Variants in POU6F2 observed in about 807,000 individuals in gnomAD.
POU6F2 encodes the protein POU class 6 homeobox 2.
In POU6F2, 31 loss-of-function variants were observed where a neutral mutation model predicts 71.3. That is an observed-to-expected ratio of 0.43 (90% CI 0.33 to 0.59). POU6F2 has a LOEUF of 0.59. Ranked by LOEUF, POU6F2 falls within the 20% of genes least tolerant of loss-of-function variation. The pLI, the probability that POU6F2 is intolerant of heterozygous loss-of-function variation, is 0.04. For synonymous variants in POU6F2, 347 were observed against 355.7 expected (o/e 0.98, Z 0.27); for missense variants, 783 against 856.8 (o/e 0.91, Z 1.07).
At chr7:39,397,740 G>A (rs1014272098) in intron 5 of POU6F2, among the ~76,000 whole-genome samples, 18 of 148,524 alleles carry the variant, frequency 1.2e-4, no homozygotes, top group African/African-American at 4.0e-4. Context: ...TGATCCACCC[G>A]CCTGATCCAC....
chr7:39,122,981 C>T (rs776231622), intron 2 of POU6F2, among the ~76,000 whole-genome samples: 52 of 152,284 alleles, frequency 3.4e-4, no homozygotes, highest in African/African-American at 1.1e-3. Flanking sequence ...TGAGCCACCG[C>T]ACCCGGTGAT....
rs947187293 is a variant in POU6F2 at position 39,460,774 on chromosome 7, G to A, written c.1658+59G>A. 1.6e-5 allele frequency: 24 copies of A among 1,457,450 alleles called. No individual in the cohort carries two copies. The highest frequency in any genetic ancestry group is 4.3e-5 in the African/African-American group (3 of 70,292). 90.3% of individuals were successfully genotyped at this position (1,457,450 alleles called of 1,614,324 possible). On this transcript the variant is annotated intron_variant, in intron 9 of 9. Coordinates refer to ENST00000518318, the MANE Select transcript of POU6F2 (RefSeq NM_001370959.1). The surrounding 1 kb of genome is among the most constrained non-coding windows in gnomAD (Gnocchi z 4.4). ...GCCGCCCTGGGCCTCATTTGTCCTC[G>A]CGGTTCAGCTTTTCTTCGTCGGGTG...
intron 4 of POU6F2, among the ~76,000 whole-genome samples, chr7:39,306,517 TATTAC>T (rs1160006119): frequency 2.0e-5 from 3 of 152,196 alleles, no homozygotes; most frequent in Non-Finnish European, 4.4e-5. Flanking sequence ...ATCCTACCAC[TATTAC>T]ATCACTAACA....
chr7:39,297,369 A>C (rs959358647), intron 4 of POU6F2, among the ~76,000 whole-genome samples: 8 of 152,206 alleles, frequency 5.3e-5, no homozygotes, highest in Non-Finnish European at 1.0e-4. Context: ...CTATAAGACA[A>C]AAATCACTTG....
chr7:39,293,898 C>G (rs1274160140), intron 4 of POU6F2, among the ~76,000 whole-genome samples: 1 of 152,124 alleles, frequency 6.6e-6, no homozygotes, highest in African/African-American at 2.4e-5. Flanking sequence ...ACCATCCTGG[C>G]CTGAGTGATC....
At chr7:39,438,571 G>A (rs1788307961) in intron 7 of POU6F2, among the ~76,000 whole-genome samples, 1 of 152,226 alleles carries the variant, frequency 6.6e-6, no homozygotes, top group Non-Finnish European at 1.5e-5. Flanking sequence ...GTGCTGGAGA[G>A]GATGTGGAGA....
chr7:39,162,210 G>C (rs1268250966), intron 2 of POU6F2, among the ~76,000 whole-genome samples: 1 of 152,170 alleles, frequency 6.6e-6, no homozygotes, highest in Non-Finnish European at 1.5e-5. Flanking sequence ...CCATGTGATA[G>C]AAAAAGAGCT....
chr7:39,300,067 C>T (rs961747486), intron 4 of POU6F2, among the ~76,000 whole-genome samples: 8 of 152,308 alleles, frequency 5.3e-5, no homozygotes, highest in Non-Finnish European at 8.8e-5. Context: ...GCCAAGCCCA[C>T]GAGGACCCAC....
intron 1 of POU6F2, among the ~76,000 whole-genome samples, chr7:38,983,993 A>G (rs895439586): frequency 1.3e-5 from 2 of 152,120 alleles, no homozygotes; most frequent in Non-Finnish European, 2.9e-5. Context: ...CAAAAGACAG[A>G]CATTAGCTGT....
intron 4 of POU6F2, among the ~76,000 whole-genome samples, chr7:39,286,808 A>G (rs929327435): frequency 1.3e-5 from 2 of 152,028 alleles, no homozygotes; most frequent in Non-Finnish European, 2.9e-5. Context: ...TGTCTCCCAG[A>G]CTGGAGTACA....
intron 4 of POU6F2, among the ~76,000 whole-genome samples, chr7:39,306,869 C>T (rs1219810159): frequency 6.6e-6 from 1 of 152,194 alleles, no homozygotes; most frequent in African/African-American, 2.4e-5. Context: ...GCCAGAGGAC[C>T]CTGTTTCCAT....
At position 39,071,245 on chromosome 7, in the gene POU6F2, G is replaced by A. The variant is rs1029885985; in HGVS notation, c.106-14615G>A. 1.4e-4 allele frequency among the ~76,000 whole-genome samples: 22 copies of A among 152,104 alleles called. No individual in the cohort carries two copies. In the South Asian group the frequency reaches 1.5e-3, roughly 10 times the overall value. On this transcript the variant is annotated intron_variant, in intron 1 of 9. Transcript: ENST00000518318. ...AGATTCTCACAAGGAATGGGCTACC[G>A]AGATCCCTCACACATGCAGTTCAAA...
At chr7:39,458,604 G>A (rs74493777) in intron 8 of POU6F2, among the ~76,000 whole-genome samples, 3,058 of 152,188 alleles carry the variant, frequency 0.02, 92 homozygotes, top group African/African-American at 0.067. Context: ...ACTAGGGACG[G>A]CCCGAACAAA....
rs553694705 is a variant in POU6F2 at position 39,220,333 on chromosome 7, TTA to T, written c.598+12717_598+12718del. Among the ~76,000 whole-genome samples the T allele has an allele frequency of 2.9e-4, 44 of 152,298 alleles. No homozygotes were observed. In the South Asian group the frequency reaches 9.1e-3, roughly 32 times the overall value. On this transcript the variant is annotated intron_variant, in intron 4 of 9. Coordinates refer to ENST00000518318, the MANE Select transcript of POU6F2 (RefSeq NM_001370959.1). Reference sequence around the variant, plus strand: ...GATGGCAGTAGCATACCAAGCTAAATTATATCAGTCTCTCTCTTTCTTTTGCA... The same window carrying T: ...GATGGCAGTAGCATACCAAGCTAAATTATCAGTCTCTCTCTTTCTTTTGCA...
At chr7:39,376,944 T>C (rs1786721879) in intron 5 of POU6F2, among the ~76,000 whole-genome samples, 3 of 148,688 alleles carry the variant, frequency 2.0e-5, no homozygotes, top group African/African-American at 7.3e-5. Context: ...ATATTTTAAG[T>C]GCATATTTAC....
At chr7:39,027,566 G>A (rs976128087) in intron 1 of POU6F2, among the ~76,000 whole-genome samples, 4 of 152,118 alleles carry the variant, frequency 2.6e-5, no homozygotes, top group Non-Finnish European at 4.4e-5. Context: ...CTGCTTTTCT[G>A]TCGTTTTATA....
At chr7:39,314,200 C>T (rs528874389) in intron 4 of POU6F2, among the ~76,000 whole-genome samples, 2 of 152,278 alleles carry the variant, frequency 1.3e-5, no homozygotes, top group Admixed American at 1.3e-4. Flanking sequence ...ACACTCCCGG[C>T]GTGTGGGAGT....
chr7:39,209,748 G>T (rs547271125), intron 4 of POU6F2, among the ~76,000 whole-genome samples: 1 of 152,254 alleles, frequency 6.6e-6, no homozygotes, highest in South Asian at 2.1e-4. Context: ...ACCTTTAGGC[G>T]ACCTATTGCA....
At chr7:39,354,051 T>C (rs935785152) in intron 5 of POU6F2, among the ~76,000 whole-genome samples, 3 of 152,228 alleles carry the variant, frequency 2.0e-5, no homozygotes, top group African/African-American at 4.8e-5. Context: ...GGCAGGAGGC[T>C]GATTCCATTC....
Sources: gnomAD v4.1 joint callset for allele counts (sites outside exome capture counted in the v4.1 genomes callset) on GRCh38, gnomAD v4.1.1 for gene constraint, Gnocchi (gnomAD v3.1) non-coding constraint, MANE v1.5 for transcripts, NCBI Gene and HGNC (gene_info 2026-07-23, HGNC 2026-07-21) for gene names.